SEMA5A: variants seen among roughly 807,000 people sequenced by gnomAD.
SEMA5A encodes semaphorin 5A.
A neutral mutation model predicts 135.5 loss-of-function variants in SEMA5A; 55 were observed. The observed-to-expected ratio is 0.41, with a 90% CI of 0.33 to 0.51. SEMA5A has a LOEUF of 0.51. SEMA5A is among the 20% of genes least tolerant of loss of function. SEMA5A has a pLI of 0.37. For synonymous variants in SEMA5A, 580 were observed against 546.5 expected, an observed-to-expected ratio of 1.06 and a Z score of -0.85; for missense variants, 1,290 against 1,419.9, an observed-to-expected ratio of 0.91 and a Z score of 1.47.
At chr5:9,069,261 C>T (rs1219454844) in intron 16 of SEMA5A, among the ~76,000 whole-genome samples, 3 of 152,224 alleles carry the variant, frequency 2.0e-5, no homozygotes, top group African/African-American at 7.2e-5. Flanking sequence ...AACAGCTAGC[C>T]TTGCGAGCAG....
chr5:9,113,176 C>T (rs915648754), intron 15 of SEMA5A, among the ~76,000 whole-genome samples: 1 of 152,190 alleles, frequency 6.6e-6, no homozygotes, highest in African/African-American at 2.4e-5. Flanking sequence ...ACACCTGGTG[C>T]TTTAAATGCC....
intron 5 of SEMA5A, among the ~76,000 whole-genome samples, chr5:9,284,210 CA>C (rs1268788863): frequency 6.6e-6 from 1 of 152,030 alleles, no homozygotes; most frequent in Non-Finnish European, 1.5e-5. Context: ...ATTGCTTGAT[CA>C]ATTTCCCTGC....
rs116815147 is a variant in SEMA5A, at chr5:9,322,138, C to T, written c.225-3721G>A. Among the ~76,000 whole-genome samples the T allele has an allele frequency of 3.1e-3, 469 of 152,248 alleles. 1 individual carries two copies. Among genetic ancestry groups the T allele is most frequent in the African/African-American group, 9.8e-3 (405 of 41,530 alleles). ...AGATAATGGCTTATAATAAAAAATA[C>T]GCCACTTTCTCAGTCCACACCTCCA... is the stretch of plus-strand genomic sequence containing the variant. On this transcript the variant is annotated intron_variant, in intron 4 of 22. Transcript: ENST00000382496.
intron 19 of SEMA5A, among the ~76,000 whole-genome samples, chr5:9,052,753 C>T (rs1736658710): frequency 6.6e-6 from 1 of 151,622 alleles, no homozygotes; most frequent in Admixed American, 6.6e-5. Context: ...GAAATTCACC[C>T]AGGCATACAG....
At chr5:9,082,840 A>G (rs2150107167) in intron 16 of SEMA5A, among the ~76,000 whole-genome samples, 1 of 152,288 alleles carries the variant, frequency 6.6e-6, no homozygotes, top group Non-Finnish European at 1.5e-5. Context: ...CCCCATAATT[A>G]TCCTACTAGG....
chr5:9,307,625 C>A (rs1301015330), intron 5 of SEMA5A, among the ~76,000 whole-genome samples: 1 of 151,996 alleles, frequency 6.6e-6, no homozygotes, highest in East Asian at 1.9e-4. Context: ...AATGAGTTTT[C>A]CTGGTATGTT....
rs537252709 is a variant in SEMA5A, at chr5:9,455,555, C to T, written c.-174-17703G>A. ...ACAGGCATGAGCCACCGCGCCCAGC[C>T]GCATATTGCAGTTTATTTCTAGAGA... On this transcript the variant is annotated intron_variant, in intron 1 of 22. Coordinates refer to ENST00000382496, the MANE Select transcript of SEMA5A (RefSeq NM_003966.3). Among the ~76,000 whole-genome samples, 9 of 152,202 alleles carry T rather than the reference C, an allele frequency of 5.9e-5. No homozygotes were observed. In the South Asian group the frequency reaches 8.3e-4, roughly 14 times the overall value.
intron 17 of SEMA5A, among the ~76,000 whole-genome samples, 153 bp from the exon 18 acceptor site, chr5:9,063,258 A>G (rs1328700859): frequency 6.6e-6 from 1 of 152,218 alleles, no homozygotes; most frequent in African/African-American, 2.4e-5. Flanking sequence ...GTAGCCAAAA[A>G]TCAGTGGTGT....
chr5:9,292,249 A>G (rs944214190), intron 5 of SEMA5A, among the ~76,000 whole-genome samples: 1 of 152,200 alleles, frequency 6.6e-6, no homozygotes, highest in African/African-American at 2.4e-5. Flanking sequence ...ATGGTCCATA[A>G]CTTAAATTGC....
At chr5:9,093,300 A>T (rs1739135054) in intron 16 of SEMA5A, among the ~76,000 whole-genome samples, 3 of 152,354 alleles carry the variant, frequency 2.0e-5, no homozygotes, top group Non-Finnish European at 4.4e-5. Context: ...GTAAGAAAAA[A>T]TAATTTAAAA....
chr5:9,096,701 T>C (rs779489038), intron 16 of SEMA5A, among the ~76,000 whole-genome samples: 6 of 151,978 alleles, frequency 3.9e-5, no homozygotes, highest in Non-Finnish European at 7.4e-5. Context: ...ATACATCAGA[T>C]AAGGGATTAA....
At chr5:9,183,274 G>A (rs114205680) in intron 11 of SEMA5A, among the ~76,000 whole-genome samples, 1 of 152,258 alleles carries the variant, frequency 6.6e-6, no homozygotes, top group Non-Finnish European at 1.5e-5. Flanking sequence ...GCCGCCTGGA[G>A]GTGAAAATGG....
chr5:9,183,814 A>C (rs1744658332), intron 11 of SEMA5A, among the ~76,000 whole-genome samples: 1 of 152,232 alleles, frequency 6.6e-6, no homozygotes, highest in African/African-American at 2.4e-5. Flanking sequence ...TTTGGCTAGC[A>C]GCCAAGGTTG....
intron 13 of SEMA5A, among the ~76,000 whole-genome samples, chr5:9,130,943 G>T (rs1035783066): frequency 6.6e-6 from 1 of 152,188 alleles, no homozygotes; most frequent in Middle Eastern, 3.4e-3. Context: ...CTATGGTACT[G>T]CCATCTAAAA....
chr5:9,405,257 A>G (rs1373184438), intron 2 of SEMA5A, among the ~76,000 whole-genome samples: 1 of 152,234 alleles, frequency 6.6e-6, no homozygotes, highest in Non-Finnish European at 1.5e-5. Context: ...CCAGAGATTC[A>G]AAATTCCCCA....
chr5:9,294,884 A>G (rs1043920595), intron 5 of SEMA5A, among the ~76,000 whole-genome samples: 4 of 151,980 alleles, frequency 2.6e-5, no homozygotes, highest in Admixed American at 2.0e-4. Flanking sequence ...CTTCTCTTCC[A>G]CCACCAGAAT....
intron 2 of SEMA5A, among the ~76,000 whole-genome samples, chr5:9,414,319 T>A (rs961649024): frequency 3.3e-5 from 5 of 152,222 alleles, no homozygotes; most frequent in Non-Finnish European, 7.3e-5. Flanking sequence ...AAGGAAAAAT[T>A]ACTTTCATCG....
intron 5 of SEMA5A, among the ~76,000 whole-genome samples, chr5:9,285,368 T>C (rs958973125): frequency 3.9e-5 from 6 of 152,118 alleles, no homozygotes; most frequent in Admixed American, 3.9e-4. Flanking sequence ...CTTCAATCAC[T>C]GGGCCGTGAA....
intron 5 of SEMA5A, among the ~76,000 whole-genome samples, chr5:9,312,922 C>T (rs1428358471): frequency 2.0e-5 from 3 of 152,142 alleles, no homozygotes; most frequent in African/African-American, 7.2e-5. Context: ...CAGAGCTGAG[C>T]CGCCATGTGT....
Sources: allele counts gnomAD v4.1 joint callset (sites outside exome capture counted in the v4.1 genomes callset), GRCh38; gene constraint gnomAD v4.1.1; transcripts MANE v1.5; gene names NCBI Gene and HGNC (gene_info 2026-07-23, HGNC 2026-07-21).